The following AGBL4 variants were observed in gnomAD, a reference collection of about 807,000 sequenced individuals.
AGBL4 encodes the protein AGBL carboxypeptidase 4.
Under a neutral mutation model 66.4 loss-of-function variants are expected in AGBL4, and 58 were observed. The observed-to-expected ratio is 0.87, with a 90% CI of 0.71 to 1.09. The LOEUF is 1.09. Ranked by LOEUF, AGBL4 falls within the 50% of genes least tolerant of loss-of-function variation. The pLI is 0.00. For synonymous variants in AGBL4, 234 were observed against 222.9 expected, an observed-to-expected ratio of 1.05 and a Z score of -0.44; for missense variants, 579 against 631.0, an observed-to-expected ratio of 0.92 and a Z score of 0.88.
At chr1:49,641,056 T>C (rs1056678595) in intron 3 of AGBL4, among the ~76,000 whole-genome samples, 1 of 152,070 alleles carries the variant, frequency 6.6e-6, no homozygotes, top group East Asian at 1.9e-4. Flanking sequence ...AACCTGCAAA[T>C]GCACCCCGTG....
intron 1 of AGBL4, among the ~76,000 whole-genome samples, chr1:49,908,834 C>T (rs943973677): frequency 1.3e-5 from 2 of 152,102 alleles, no homozygotes; most frequent in African/African-American, 4.8e-5. Context: ...ACTGATATTA[C>T]AAGATAATTA....
intron 3 of AGBL4, among the ~76,000 whole-genome samples, chr1:49,638,362 C>T (rs1475685069): frequency 2.0e-5 from 3 of 152,168 alleles, no homozygotes; most frequent in African/African-American, 7.2e-5. Flanking sequence ...GTAAGAGAAG[C>T]TCACATTCTA....
chr1:50,012,948 A>G (rs142791820), intron 1 of AGBL4, among the ~76,000 whole-genome samples: 326 of 152,312 alleles, frequency 2.1e-3, no homozygotes, highest in African/African-American at 7.3e-3. Context: ...TCCACCAAAA[A>G]GTAATGTGAC....
At chr1:49,808,300 G>C (rs1412880282) in intron 2 of AGBL4, among the ~76,000 whole-genome samples, 2 of 152,182 alleles carry the variant, frequency 1.3e-5, no homozygotes, top group Non-Finnish European at 2.9e-5. Context: ...TTTTAATTTG[G>C]ATTTCTTGTT....
intron 5 of AGBL4, among the ~76,000 whole-genome samples, chr1:48,991,237 A>G (rs1049547588): frequency 6.6e-6 from 1 of 152,194 alleles, no homozygotes; most frequent in Non-Finnish European, 1.5e-5. Context: ...TGCTGAATGT[A>G]CTACTATAGT....
chr1:49,004,935 C>T (rs919510101), intron 5 of AGBL4, among the ~76,000 whole-genome samples: 9 of 152,216 alleles, frequency 5.9e-5, no homozygotes, highest in Middle Eastern at 6.8e-3. Context: ...AAGACTGGAA[C>T]GAGTTTAGAG....
chr1:49,911,650 GA>G (rs1335751281), intron 1 of AGBL4, among the ~76,000 whole-genome samples: 2 of 152,184 alleles, frequency 1.3e-5, no homozygotes, highest in Non-Finnish European at 2.9e-5. Context: ...GTCATTTTCA[GA>G]GTGTAAACTG....
At chr1:49,891,195 G>T (rs1311474828) in intron 1 of AGBL4, among the ~76,000 whole-genome samples, 3 of 152,090 alleles carry the variant, frequency 2.0e-5, no homozygotes, top group Non-Finnish European at 4.4e-5. Context: ...GGAACAGAAA[G>T]AACTAAAAGA....
At chr1:48,794,149 G>A (rs966366772) in intron 6 of AGBL4, among the ~76,000 whole-genome samples, 1 of 152,156 alleles carries the variant, frequency 6.6e-6, no homozygotes, top group South Asian at 2.1e-4. Flanking sequence ...AACATTTTTA[G>A]AACAGTTAGT....
At chr1:49,217,146 C>CAG (rs909938543) in intron 4 of AGBL4, among the ~76,000 whole-genome samples, 24 of 151,766 alleles carry the variant, frequency 1.6e-4, no homozygotes, top group African/African-American at 5.1e-4. Flanking sequence ...GAAAACGAAG[C>CAG]AGAGAGAGAG....
At chr1:49,485,039 G>T (rs1398759536) in intron 3 of AGBL4, among the ~76,000 whole-genome samples, 1 of 152,040 alleles carries the variant, frequency 6.6e-6, no homozygotes, top group Non-Finnish European at 1.5e-5. Context: ...CATTGGGGAA[G>T]TCAGTGTGGC....
intron 1 of AGBL4, among the ~76,000 whole-genome samples, chr1:49,926,003 C>T (rs935443995): frequency 5.3e-5 from 8 of 152,216 alleles, no homozygotes; most frequent in Non-Finnish European, 1.2e-4. Context: ...CACCTGCTGA[C>T]TGTACAGCCC....
intron 6 of AGBL4, among the ~76,000 whole-genome samples, chr1:48,712,130 C>A (rs576729011): frequency 7.2e-5 from 11 of 152,194 alleles, no homozygotes; most frequent in Admixed American, 2.6e-4. Flanking sequence ...CTCCCCTTCT[C>A]CCCCCAGGAA....
intron 6 of AGBL4, among the ~76,000 whole-genome samples, chr1:48,674,734 T>G (rs771985061): frequency 2.6e-5 from 4 of 152,142 alleles, no homozygotes; most frequent in Non-Finnish European, 5.9e-5. Context: ...AATAAAGTAC[T>G]AATAACGGTG....
intron 3 of AGBL4, among the ~76,000 whole-genome samples, chr1:49,363,448 C>G (rs1226573536): frequency 6.6e-6 from 1 of 152,164 alleles, no homozygotes; most frequent in Non-Finnish European, 1.5e-5. Context: ...ATGATACTTG[C>G]ACAGATGACA....
chr1:48,848,834 T>C (rs966358922), intron 6 of AGBL4, among the ~76,000 whole-genome samples: 1 of 152,212 alleles, frequency 6.6e-6, no homozygotes, highest in African/African-American at 2.4e-5. Context: ...CGCACAGACC[T>C]GTGTGCGCAC....
chr1:48,620,080 C>G (rs559908717), intron 9 of AGBL4, among the ~76,000 whole-genome samples: 1 of 152,168 alleles, frequency 6.6e-6, no homozygotes, highest in Admixed American at 6.5e-5. Context: ...AAAATCCACT[C>G]GGAATGAATT....
intron 5 of AGBL4, among the ~76,000 whole-genome samples, chr1:48,888,264 C>T (rs960636886): frequency 2.6e-5 from 4 of 152,088 alleles, no homozygotes; most frequent in Non-Finnish European, 5.9e-5. Flanking sequence ...AGCACTAAGG[C>T]GGGCAGTGCT....
chr1:49,164,365 A>G (rs1646594129), intron 4 of AGBL4, among the ~76,000 whole-genome samples: 1 of 151,820 alleles, frequency 6.6e-6, no homozygotes, highest in South Asian at 2.1e-4. Flanking sequence ...ATACATTAAA[A>G]CCTCTATCCC....
Sources: allele counts gnomAD v4.1 joint callset (sites outside exome capture counted in the v4.1 genomes callset), GRCh38; gene constraint gnomAD v4.1.1; transcripts MANE v1.5; gene names NCBI Gene and HGNC (gene_info 2026-07-23, HGNC 2026-07-21).